Variants in ARSJ observed in about 807,000 individuals in gnomAD.
ARSJ encodes the protein arylsulfatase family member J.
A neutral mutation model predicts 35.9 loss-of-function variants in ARSJ; 26 were observed. That is an observed-to-expected ratio of 0.72 (90% CI 0.53 to 1.00). The LOEUF is 1.00. Ranked by LOEUF, ARSJ falls within the 50% of genes least tolerant of loss-of-function variation. The pLI, the probability that ARSJ is intolerant of heterozygous loss-of-function variation, is 0.00. For synonymous variants in ARSJ, 294 were observed against 267.6 expected (o/e 1.10, Z -0.96); for missense variants, 667 against 723.6 (o/e 0.92, Z 0.90).
intron 1 of ARSJ, among the ~76,000 whole-genome samples, chr4:113,940,129 T>G (rs888044492): frequency 3.3e-5 from 5 of 152,064 alleles, no homozygotes; most frequent in Middle Eastern, 6.3e-3. Flanking sequence ...CCCAGCAATT[T>G]CATTGCTGGG....
chr4:113,918,839 C>A (rs1271504079), intron 1 of ARSJ, among the ~76,000 whole-genome samples: 1 of 152,114 alleles, frequency 6.6e-6, no homozygotes, highest in African/African-American at 2.4e-5. Flanking sequence ...GTCACCCAGG[C>A]TGGAGTGCAG....
chr4:113,933,105 C>G (rs1724556704), intron 1 of ARSJ, among the ~76,000 whole-genome samples: 1 of 151,518 alleles, frequency 6.6e-6, no homozygotes, highest in African/African-American at 2.4e-5. Flanking sequence ...ATTAGAAAAC[C>G]TATAAGAAAT....
intron 1 of ARSJ, among the ~76,000 whole-genome samples, 192 bp downstream of exon 1, chr4:113,978,245 G>A (rs1039663483): frequency 3.9e-5 from 6 of 152,162 alleles, no homozygotes; most frequent in African/African-American, 1.4e-4. Flanking sequence ...CTACACTAGT[G>A]ACTAGAAAAT....
At chr4:113,929,324 C>A (rs1193751445) in intron 1 of ARSJ, among the ~76,000 whole-genome samples, 1 of 152,118 alleles carries the variant, frequency 6.6e-6, no homozygotes, top group East Asian at 1.9e-4. Flanking sequence ...TGAGGAGAAT[C>A]ATTATCTTTC....
rs181680648 is a variant in ARSJ, at chr4:113,931,520, C to T, written c.399-27845G>A. Among the ~76,000 whole-genome samples, 138 of 152,192 alleles carry T rather than the reference C, an allele frequency of 9.1e-4. 2 individuals are homozygous for T. Among genetic ancestry groups the T allele is most frequent in the Non-Finnish European group, 3.4e-4 (23 of 67,988 alleles). On this transcript the variant is annotated intron_variant, in intron 1 of 1. Coordinates refer to ENST00000315366, the MANE Select transcript of ARSJ (RefSeq NM_024590.4). ...ATGTAATCTCCCATACTCCATGCCT[C>T]ATTTTATGTTACTAGTATTTCTATA...
chr4:113,935,474 T>A (rs1258292864), intron 1 of ARSJ, among the ~76,000 whole-genome samples: 1 of 151,764 alleles, frequency 6.6e-6, no homozygotes, highest in Non-Finnish European at 1.5e-5. Context: ...CAGAAAACCC[T>A]TTGGGTGTTC....
intron 1 of ARSJ, among the ~76,000 whole-genome samples, chr4:113,939,096 G>A (rs1395267507): frequency 7.5e-6 from 1 of 133,610 alleles, no homozygotes; most frequent in African/African-American, 2.9e-5. Context: ...AGAGTGTGAT[G>A]TTCCCCTGCC....
chr4:113,923,017 C>G (rs1723780478), intron 1 of ARSJ, among the ~76,000 whole-genome samples: 1 of 152,046 alleles, frequency 6.6e-6, no homozygotes, highest in South Asian at 2.1e-4. Context: ...AGTGGAAGGC[C>G]TTAATGAAAA....
chr4:113,967,871 A>G (rs1330810459), intron 1 of ARSJ, among the ~76,000 whole-genome samples: 1 of 152,214 alleles, frequency 6.6e-6, no homozygotes, highest in Non-Finnish European at 1.5e-5. Context: ...CATAATGAAT[A>G]TAAAATGTCA....
rs969181926 is a variant in ARSJ at position 113,945,432 on chromosome 4, G to A, written c.398+33005C>T. On this transcript the variant is annotated intron_variant, in intron 1 of 1. Coordinates refer to ENST00000315366, the MANE Select transcript of ARSJ (RefSeq NM_024590.4). ...GAATTACAAGTGAGAGCCACCATACGTGGCCCTTTTGTGGTGTCTCTTCAA... is the reference window on the plus strand; with the variant it reads ...GAATTACAAGTGAGAGCCACCATACATGGCCCTTTTGTGGTGTCTCTTCAA... Among the ~76,000 whole-genome samples the A allele has an allele frequency of 3.3e-5, 5 of 152,046 alleles. 1 individual carries two copies. In the South Asian group the frequency reaches 8.3e-4, roughly 25 times the overall value.
intron 1 of ARSJ, among the ~76,000 whole-genome samples, chr4:113,950,904 G>A (rs752595357): frequency 2.0e-5 from 3 of 152,022 alleles, no homozygotes; most frequent in Non-Finnish European, 4.4e-5. Flanking sequence ...GTATACTGAC[G>A]TGGTGTCCTG....
At chr4:113,949,308 C>T (rs1431194004) in intron 1 of ARSJ, among the ~76,000 whole-genome samples, 3 of 152,042 alleles carry the variant, frequency 2.0e-5, no homozygotes, top group Non-Finnish European at 4.4e-5. Flanking sequence ...GAACGTTCTG[C>T]ACATGTATCC....
intron 1 of ARSJ, among the ~76,000 whole-genome samples, chr4:113,918,272 G>C (rs1434664398): frequency 6.6e-6 from 1 of 152,068 alleles, no homozygotes; most frequent in Admixed American, 6.6e-5. Flanking sequence ...TCTTCTATTA[G>C]AGCAGACATT....
chr4:113,902,801 T>A lies in ARSJ; in HGVS notation c.1273A>T (p.Ile425Leu), dbSNP rs2099667550. 1 of 1,614,046 alleles carries A rather than the reference T, an allele frequency of 6.2e-7. No homozygotes were observed. The highest frequency in any genetic ancestry group is 1.3e-5 in the African/African-American group (1 of 74,896). ...RVDILHNIDP[I>L]YTKAKNGSWA... ...GAGCCATTTTTTGCCTTGGTGTATA[T>A]GGGGTCAATGTTATGCAAAATATCT... The change falls in exon 2 of 2, where the codon ATA becomes TTA. Residue 425 changes from isoleucine to leucine, a missense_variant. Physicochemically the swap from Ile to Leu is conservative, Grantham distance 5. Coordinates refer to ENST00000315366, the MANE Select transcript of ARSJ (RefSeq NM_024590.4).
Position 113,948,179 on chromosome 4 carries a change from A to G in ARSJ, c.398+30258T>C, listed in dbSNP as rs563097326. Among the ~76,000 whole-genome samples, 5 of 152,110 alleles carry G rather than the reference A, an allele frequency of 3.3e-5. No individual in the cohort carries two copies. The East Asian group carries it at 9.7e-4, about 30-fold the overall frequency. On this transcript the variant is annotated intron_variant, in intron 1 of 1. Coordinates refer to ENST00000315366, the MANE Select transcript of ARSJ (RefSeq NM_024590.4). ...ACTCCAGCCTGGGTGACAGAGCGAG[A>G]TTCTGTCTTAAAAAAAAATTAACAT...
intron 1 of ARSJ, among the ~76,000 whole-genome samples, chr4:113,961,925 G>C (rs1486175519): frequency 6.8e-6 from 1 of 147,136 alleles, no homozygotes; most frequent in Admixed American, 7.2e-5. Context: ...GTGTGTGTGT[G>C]TGTGTGTGTG....
At chr4:113,947,502 AAAAG>A (rs1273823090) in intron 1 of ARSJ, among the ~76,000 whole-genome samples, 8 of 148,578 alleles carry the variant, frequency 5.4e-5, no homozygotes, top group Non-Finnish European at 9.0e-5. Context: ...GAGGAAAGAA[AAAAG>A]AAAGAAAGAG....
At chr4:113,912,065 A>C (rs1293300092) in intron 1 of ARSJ, among the ~76,000 whole-genome samples, 1 of 152,250 alleles carries the variant, frequency 6.6e-6, no homozygotes. Flanking sequence ...ATGCAATGTT[A>C]CCATAAAAAT....
intron 1 of ARSJ, among the ~76,000 whole-genome samples, chr4:113,923,597 T>C (rs1723818761): frequency 6.6e-6 from 1 of 152,170 alleles, no homozygotes; most frequent in African/African-American, 2.4e-5. Flanking sequence ...TAAATTTTCT[T>C]AGTAAACAAA....
Sources: allele counts gnomAD v4.1 joint callset (sites outside exome capture counted in the v4.1 genomes callset), GRCh38; gene constraint gnomAD v4.1.1; transcripts MANE v1.5; gene names NCBI Gene and HGNC (gene_info 2026-07-23, HGNC 2026-07-21).